The following UGT2B7 variants were observed in gnomAD, a reference collection of about 807,000 sequenced individuals.
UGT2B7 encodes the protein UDP-glucuronosyltransferase 2B7.
Under a neutral mutation model 51.9 loss-of-function variants are expected in UGT2B7, and 51 were observed. The observed-to-expected ratio is 0.98, with a 90% CI of 0.78 to 1.24. The LOEUF (loss-of-function observed/expected upper bound fraction) is 1.24. UGT2B7 is among the 50% of genes most tolerant of loss of function. The pLI is 0.00. For missense variants in UGT2B7, 727 were observed against 628.4 expected (o/e 1.16, Z -1.68); for synonymous variants, 225 against 211.6 (o/e 1.06, Z -0.55).
At chr4:69,086,290 G>A (rs887469975) in intron 1 of UGT2B7, among the ~76,000 whole-genome samples, 2 of 151,612 alleles carry the variant, frequency 1.3e-5, no homozygotes, top group African/African-American at 2.4e-5. Flanking sequence ...AGTTGTACAT[G>A]TTCCCATATT....
chr4:69,081,417 A>C (rs1718834653), intron 1 of UGT2B7, among the ~76,000 whole-genome samples: 1 of 152,110 alleles, frequency 6.6e-6, no homozygotes, highest in Non-Finnish European at 1.5e-5. Context: ...TAGCTGTCAG[A>C]GTGGCTTGCT....
Position 69,112,577 on chromosome 4 carries a change from G to A in UGT2B7, c.1431G>A (p.Arg477=), listed in dbSNP as rs879092412. 5.0e-6 allele frequency: 8 copies of A among 1,613,760 alleles called. No homozygotes were observed. Among genetic ancestry groups the A allele is most frequent in the South Asian group, 1.1e-5 (1 of 91,076 alleles). The change falls in exon 6 of 6, where the codon CGG becomes CGA. Residue 477 remains arginine (R), a synonymous_variant. Coordinates refer to ENST00000305231, the MANE Select transcript of UGT2B7 (RefSeq NM_001074.4). ...VMRHKGAKHL[R]VAAHDLTWFQ... ...GCCACAAAGGAGCTAAACACCTTCGGGTTGCAGCCCACGACCTCACCTGGT... is the reference window on the plus strand; with the variant it reads ...GCCACAAAGGAGCTAAACACCTTCGAGTTGCAGCCCACGACCTCACCTGGT...
intron 1 of UGT2B7, among the ~76,000 whole-genome samples, chr4:69,067,038 T>C (rs191691477): frequency 6.6e-6 from 1 of 152,234 alleles, no homozygotes; most frequent in African/African-American, 2.4e-5. Context: ...ACTTCACCAT[T>C]TCTCTAAGAG....
intron 1 of UGT2B7, among the ~76,000 whole-genome samples, chr4:69,052,897 A>G (rs1396246782): frequency 6.6e-6 from 1 of 152,204 alleles, no homozygotes. Flanking sequence ...ATTTTTACCT[A>G]CATTAAAAGG....
chr4:69,084,815 G>T (rs1718913645), intron 1 of UGT2B7, among the ~76,000 whole-genome samples: 1 of 152,116 alleles, frequency 6.6e-6, no homozygotes, highest in African/African-American at 2.4e-5. Context: ...TCTTATAAAT[G>T]CATAGTATTT....
chr4:69,071,444 G>C (rs1256847134), intron 1 of UGT2B7, among the ~76,000 whole-genome samples: 3 of 152,094 alleles, frequency 2.0e-5, no homozygotes, highest in Admixed American at 6.6e-5. Flanking sequence ...AATGGCAAAA[G>C]CTCTCCAATA....
chr4:69,103,023 T>C, intron 3 of UGT2B7, 85 bp downstream of exon 3: 2 of 1,550,090 alleles, frequency 1.3e-6, no homozygotes, highest in Non-Finnish European at 1.7e-6. Context: ...AAACTTCTGA[T>C]AAATGTGAAG....
chr4:69,103,781 T>C (rs2109889714), intron 3 of UGT2B7, among the ~76,000 whole-genome samples: 1 of 152,330 alleles, frequency 6.6e-6, no homozygotes, highest in Admixed American at 6.5e-5. Flanking sequence ...TTATGGGATG[T>C]AGTATTTCTG....
intron 2 of UGT2B7, among the ~76,000 whole-genome samples, chr4:69,091,246 G>A (rs375009709): frequency 6.6e-6 from 1 of 152,166 alleles, no homozygotes; most frequent in Non-Finnish European, 1.5e-5. Flanking sequence ...GCTATTCAAT[G>A]TATTATCAGC....
chr4:69,065,099 GA>G (rs199864821), intron 1 of UGT2B7, among the ~76,000 whole-genome samples: 281 of 150,586 alleles, frequency 1.9e-3, no homozygotes, highest in African/African-American at 5.1e-3. Context: ...AGTAGGTATC[GA>G]AAAAAAAATT....
intron 1 of UGT2B7, among the ~76,000 whole-genome samples, chr4:69,097,887 G>A (rs1298638534): frequency 1.3e-5 from 2 of 151,944 alleles, no homozygotes; most frequent in Non-Finnish European, 2.9e-5. Context: ...TTGAAACTAT[G>A]TCTCTTTATT....
intron 2 of UGT2B7, among the ~76,000 whole-genome samples, chr4:69,100,201 G>C (rs369457225): frequency 7.2e-5 from 11 of 152,076 alleles, no homozygotes; most frequent in East Asian, 3.9e-4. Context: ...CAACATCATA[G>C]CTGCCTGACA....
chr4:69,084,412 C>T (rs1235352163), intron 1 of UGT2B7, among the ~76,000 whole-genome samples: 4 of 128,850 alleles, frequency 3.1e-5, no homozygotes, highest in Admixed American at 1.7e-4. Flanking sequence ...GCATTTACTT[C>T]TCTTTAATGT....
intron 1 of UGT2B7, among the ~76,000 whole-genome samples, chr4:69,057,239 G>T (rs1289772406): frequency 6.6e-6 from 1 of 152,194 alleles, no homozygotes; most frequent in East Asian, 1.9e-4. Context: ...GGGGAGCTCA[G>T]ATTTTAAGGC....
chr4:69,052,150 C>T (rs1244158015), intron 1 of UGT2B7, among the ~76,000 whole-genome samples: 1 of 152,012 alleles, frequency 6.6e-6, no homozygotes, highest in East Asian at 1.9e-4. Flanking sequence ...GTAGGTTGGA[C>T]ATCAGAAGGA....
At position 69,096,964 on chromosome 4, in the gene UGT2B7, T is replaced by G. The variant is rs776447361; in HGVS notation, c.444T>G (p.Ile148Met). The change falls in exon 1 of 6, where the codon ATT becomes ATG. Residue 148 changes from isoleucine to methionine, a missense_variant. Physicochemically the swap from Ile to Met is conservative, Grantham distance 10. Transcript: ENST00000305231. ...TACAAGAGTCAAGATTTGACGTCAT[T>G]TTTGCAGATGCTATTTTTCCCTGTA... is the stretch of plus-strand genomic sequence containing the variant. ...KKVQESRFDVIFADAIFPCSE... is the reference protein window; with the variant it reads ...KKVQESRFDVMFADAIFPCSE... 1.9e-6 allele frequency: 3 copies of G among 1,613,656 alleles called. No homozygotes were observed. Among genetic ancestry groups the G allele is most frequent in the Non-Finnish European group, 2.5e-6 (3 of 1,179,786 alleles).
chr4:69,090,567 C>A (rs938434549), intron 2 of UGT2B7, among the ~76,000 whole-genome samples: 13 of 151,928 alleles, frequency 8.6e-5, no homozygotes, highest in Non-Finnish European at 2.9e-5. Context: ...ACAGCAAAGT[C>A]TAAAGCAAAG....
At chr4:69,084,634 C>T (rs1328826037) in intron 1 of UGT2B7, among the ~76,000 whole-genome samples, 3 of 151,992 alleles carry the variant, frequency 2.0e-5, no homozygotes, top group Non-Finnish European at 2.9e-5. Context: ...CAACGCACGA[C>T]AGGCCCCAGT....
chr4:69,070,164 G>A (rs895780000), intron 1 of UGT2B7, among the ~76,000 whole-genome samples: 1 of 149,708 alleles, frequency 6.7e-6, no homozygotes, highest in Non-Finnish European at 1.5e-5. Context: ...CTGTTTACTT[G>A]AGAAAGGCAG....
Sources: gnomAD v4.1 joint callset for allele counts (sites outside exome capture counted in the v4.1 genomes callset) on GRCh38, gnomAD v4.1.1 for gene constraint, MANE v1.5 for transcripts, NCBI Gene and HGNC (gene_info 2026-07-23, HGNC 2026-07-21) for gene names.